The following RORA variants were observed in gnomAD, a reference collection of about 807,000 sequenced individuals.
RORA encodes nuclear receptor ROR-alpha.
A neutral mutation model predicts 69.5 loss-of-function variants in RORA; 7 were observed. That is an observed-to-expected ratio of 0.10 (90% CI 0.06 to 0.19). RORA has a LOEUF of 0.19. RORA is among the 10% of genes least tolerant of loss of function. The pLI is 1.00. For missense variants in RORA, 457 were observed against 663.0 expected (o/e 0.69, Z 3.41); for synonymous variants, 261 against 240.8 (o/e 1.08, Z -0.78).
intron 4 of RORA, among the ~76,000 whole-genome samples, chr15:60,514,154 A>C (rs1037233364): frequency 6.6e-6 from 1 of 152,236 alleles, no homozygotes; most frequent in Non-Finnish European, 1.5e-5. Flanking sequence ...TGGCTTTGGC[A>C]TGTGATTCAA....
At chr15:60,683,410 G>T (rs1469461463) in intron 1 of RORA, among the ~76,000 whole-genome samples, 1 of 152,132 alleles carries the variant, frequency 6.6e-6, no homozygotes, top group Non-Finnish European at 1.5e-5. Flanking sequence ...GCAACAGGCT[G>T]TCAGATCTAT....
chr15:60,651,043 T>C (rs2070135620), intron 2 of RORA, among the ~76,000 whole-genome samples: 1 of 152,170 alleles, frequency 6.6e-6, no homozygotes, highest in South Asian at 2.1e-4. Context: ...CTCCCTTCCG[T>C]TAACAATGCA....
chr15:60,709,259 C>G (rs1422011438), intron 1 of RORA, among the ~76,000 whole-genome samples: 1 of 152,220 alleles, frequency 6.6e-6, no homozygotes, highest in East Asian at 1.9e-4. Flanking sequence ...TGAGTTTCTA[C>G]TATGTGCCTG....
chr15:60,975,055 G>C (rs1032189657), intron 1 of RORA, among the ~76,000 whole-genome samples: 1 of 152,196 alleles, frequency 6.6e-6, no homozygotes, highest in East Asian at 1.9e-4. Context: ...CTGAATGGGA[G>C]GGGAGCTGAG....
chr15:60,601,090 A>C (rs2068798648), intron 2 of RORA: 1 of 152,188 alleles, frequency 6.6e-6, no homozygotes, highest in African/African-American at 2.4e-5. Flanking sequence ...ACTCCTAAAC[A>C]TTATGCTGCA....
At chr15:60,863,022 C>T (rs2073449747) in intron 1 of RORA, among the ~76,000 whole-genome samples, 1 of 152,200 alleles carries the variant, frequency 6.6e-6, no homozygotes, top group African/African-American at 2.4e-5. Flanking sequence ...CTTGCTATAT[C>T]TAAACTTGGG....
chr15:60,519,666 C>G (rs1483204151), intron 3 of RORA, among the ~76,000 whole-genome samples: 2 of 152,134 alleles, frequency 1.3e-5, no homozygotes, highest in African/African-American at 4.8e-5. Flanking sequence ...TTCCTACCGC[C>G]CAGACATTTT....
chr15:61,074,789 A>C (rs556034373), intron 1 of RORA, among the ~76,000 whole-genome samples: 33 of 152,272 alleles, frequency 2.2e-4, no homozygotes, highest in African/African-American at 7.9e-4. Flanking sequence ...GGGATGTTTT[A>C]AAGTTTCCTT....
intron 1 of RORA, among the ~76,000 whole-genome samples, chr15:61,182,675 G>C (rs554764923): frequency 6.6e-6 from 1 of 152,322 alleles, no homozygotes; most frequent in East Asian, 1.9e-4. Context: ...TGGTTACAAA[G>C]GGAAACACAG....
chr15:61,170,937 A>AT (rs1352604637), intron 1 of RORA, among the ~76,000 whole-genome samples: 1 of 152,226 alleles, frequency 6.6e-6, no homozygotes, highest in East Asian at 1.9e-4. Context: ...CATACTTTCC[A>AT]TTCCTCACAA....
chr15:60,887,886 C>T (rs561972552), intron 1 of RORA, among the ~76,000 whole-genome samples: 1 of 152,324 alleles, frequency 6.6e-6, no homozygotes, highest in Admixed American at 6.5e-5. Context: ...TCACATCTTA[C>T]TTCACATAGT....
chr15:60,563,095 T>G (rs1034902640), intron 2 of RORA, among the ~76,000 whole-genome samples: 3 of 152,212 alleles, frequency 2.0e-5, no homozygotes, highest in Non-Finnish European at 4.4e-5. Flanking sequence ...CACGTATAAG[T>G]TGAAATTCTC....
At chr15:61,217,590 T>G (rs1299622202) in intron 1 of RORA, among the ~76,000 whole-genome samples, 1 of 152,108 alleles carries the variant, frequency 6.6e-6, no homozygotes, top group Non-Finnish European at 1.5e-5. Context: ...TCAGTGAGCT[T>G]CTTAAGAGAA....
chr15:60,803,161 G>A (rs538702410), intron 1 of RORA, among the ~76,000 whole-genome samples: 2 of 152,286 alleles, frequency 1.3e-5, no homozygotes, highest in East Asian at 3.9e-4. Context: ...TGTGCCTATA[G>A]CAATTTATCA....
intron 1 of RORA, among the ~76,000 whole-genome samples, chr15:60,774,081 C>T (rs375464208): frequency 3.3e-4 from 50 of 152,190 alleles, no homozygotes; most frequent in African/African-American, 1.2e-3. Flanking sequence ...GCTGTGAGAC[C>T]CTTTGACAAC....
At chr15:60,700,596 T>G (rs2070968319) in intron 1 of RORA, among the ~76,000 whole-genome samples, 1 of 149,374 alleles carries the variant, frequency 6.7e-6, no homozygotes, top group African/African-American at 2.5e-5. Flanking sequence ...ATCTTTTCAC[T>G]GGTGTATTTC....
At chr15:60,885,020 C>A (rs1243361256) in intron 1 of RORA, among the ~76,000 whole-genome samples, 1 of 152,206 alleles carries the variant, frequency 6.6e-6, no homozygotes, top group Non-Finnish European at 1.5e-5. Flanking sequence ...TAAAAGCAGC[C>A]TTTTCATTTC....
chr15:60,648,154 C>T (rs1596095418), intron 2 of RORA, among the ~76,000 whole-genome samples: 1 of 152,136 alleles, frequency 6.6e-6, no homozygotes, highest in East Asian at 1.9e-4. Flanking sequence ...CAAGTGAGCA[C>T]GTAGGTGCCT....
In RORA at chr15:60,615,021, T is replaced by G. The variant is rs375181311; in HGVS notation, c.196+63636A>C. ...ACAGCCTGCTCAGGGAGCTACAGGT[T>G]GAAGAGCTGTCAGGGAAAACAGAAC... is the stretch of plus-strand genomic sequence containing the variant. On this transcript the variant is annotated intron_variant, in intron 2 of 10. Coordinates refer to ENST00000335670, the MANE Select transcript of RORA (RefSeq NM_134261.3). 4.3e-6 allele frequency: 7 copies of G among 1,611,918 alleles called. No homozygotes were observed. In the African/African-American group the frequency reaches 5.3e-5, roughly 12 times the overall value.
Sources: gnomAD v4.1 joint callset for allele counts (sites outside exome capture counted in the v4.1 genomes callset) on GRCh38, gnomAD v4.1.1 for gene constraint, MANE v1.5 for transcripts, NCBI Gene and HGNC (gene_info 2026-07-23, HGNC 2026-07-21) for gene names.